Variants in RBBP7 observed in about 807,000 individuals in gnomAD.
The protein encoded by RBBP7 is histone-binding protein RBBP7.
Under a neutral mutation model 35.2 loss-of-function variants are expected in RBBP7, and 5 were observed. The ratio of observed to expected loss-of-function variants is 0.14; its 90% CI spans 0.07 to 0.30. The LOEUF (loss-of-function observed/expected upper bound fraction) is 0.30. Ranked by LOEUF, RBBP7 falls within the 10% of genes least tolerant of loss-of-function variation. RBBP7 has a pLI of 1.00. For missense variants in RBBP7, 155 were observed against 327.5 expected, an observed-to-expected ratio of 0.47 and a Z score of 4.07; for synonymous variants, 140 against 118.7, an observed-to-expected ratio of 1.18 and a Z score of -1.17.
intron 10 of RBBP7, chrX:16,846,967 A>G (rs1301684414): frequency 1.8e-5 from 2 of 110,811 alleles, no homozygotes; most frequent in Non-Finnish European, 3.8e-5. Context: ...CGTCTCTACA[A>G]AAAATACGAA....
intron 1 of RBBP7, 147 bp from the exon 2 acceptor site, chrX:16,869,367 G>A (rs921438594): frequency 2.8e-6 from 3 of 1,054,702 alleles, no homozygotes; most frequent in Non-Finnish European, 3.8e-6. Context: ...CTTCCAGAAG[G>A]TGGAGAAAAT....
chrX:16,869,393 G>A (rs905603132), intron 1 of RBBP7, 173 bp from the exon 2 acceptor site: 1 of 1,060,109 alleles, frequency 9.4e-7, no homozygotes, highest in South Asian at 2.3e-5. Flanking sequence ...CAATCAGGAA[G>A]CCTATTTTTT....
chrX:16,869,320 C>T, intron 1 of RBBP7, 100 bp from the exon 2 acceptor site: 1 of 1,077,309 alleles, frequency 9.3e-7, no homozygotes, highest in Non-Finnish European at 1.3e-6. Context: ...GTACTCTTTC[C>T]TTTTACCTCT....
At position 16,852,852 on chromosome X, in the gene RBBP7, G is replaced by A; in HGVS notation, c.782C>T (p.Thr261Ile). ...ATCCACCAAGTGACTCGGCTTGGAGGTGGTATTGGACCTGGTGTCCCATCT... is the reference window on the plus strand; with the variant it reads ...ATCCACCAAGTGACTCGGCTTGGAGATGGTATTGGACCTGGTGTCCCATCT... The part of the protein sequence containing the change: ...LMIWDTRSNT[T>I]SKPSHLVDAH... The change falls in exon 7 of 12, where the codon ACC becomes ATC. Residue 261 changes from threonine to isoleucine, a missense_variant. Transcript: ENST00000380087. 1 of 1,211,846 alleles carries A rather than the reference G, an allele frequency of 8.3e-7. No individual in the cohort carries two copies. Among genetic ancestry groups the A allele is most frequent in the Non-Finnish European group, 1.1e-6 (1 of 895,605 alleles).
At chrX:16,855,751 C>T (rs1930331313) in intron 5 of RBBP7, among the ~76,000 whole-genome samples, 1 of 110,655 alleles carries the variant, frequency 9.0e-6, no homozygotes, top group Non-Finnish European at 1.9e-5. Flanking sequence ...AATCCCAGCT[C>T]TTTGGGAGGC....
At chrX:16,855,627 T>TAGGG (rs2147519523) in intron 5 of RBBP7, among the ~76,000 whole-genome samples, 1 of 110,845 alleles carries the variant, frequency 9.0e-6, no homozygotes, top group South Asian at 3.8e-4. Context: ...CAGCCTGGTC[T>TAGGG]CTTCAAAAGG....
intron 9 of RBBP7, among the ~76,000 whole-genome samples, chrX:16,849,771 C>A (rs1437394736): frequency 8.9e-6 from 1 of 112,231 alleles, no homozygotes; most frequent in African/African-American, 3.2e-5. Flanking sequence ...TTAAAAAAAT[C>A]TACACATAAA....
intron 5 of RBBP7, among the ~76,000 whole-genome samples, chrX:16,855,175 G>A (rs1015030871): frequency 9.1e-6 from 1 of 109,369 alleles, no homozygotes; most frequent in Admixed American, 9.7e-5. Context: ...TCAGCCTCCC[G>A]AGTAGATGGG....
intron 2 of RBBP7, among the ~76,000 whole-genome samples, chrX:16,868,072 C>T (rs1393601970): frequency 8.9e-6 from 1 of 111,808 alleles, no homozygotes; most frequent in Non-Finnish European, 1.9e-5. Flanking sequence ...TATATGTCCG[C>T]AACACCCAAA....
At position 16,870,267 on chromosome X, in the gene RBBP7, TTC is replaced by T. The variant is rs752717090; in HGVS notation, c.-216_-215del. 2.0e-4 allele frequency: 77 copies of T among 385,746 alleles called. No homozygotes were observed. The highest frequency in any genetic ancestry group is 2.3e-4 in the Non-Finnish European group (66 of 285,646). The allele number at this position is 385,746 out of a possible 1,213,427, so 31.8% of individuals were successfully genotyped here. On this transcript the variant is annotated 5_prime_UTR_variant, in exon 1 of 12. The change creates a premature stop within an existing upstream ORF in the 5' untranslated region. Coordinates refer to ENST00000380087, the MANE Select transcript of RBBP7 (RefSeq NM_002893.4). Reference sequence around the variant, plus strand: ...GCGGGTACCGAGGTCTGAGGCGCTCTTCTCTCTCTCTCCAAACTTGGAACGAG... The same window carrying T: ...GCGGGTACCGAGGTCTGAGGCGCTCTTCTCTCTCTCCAAACTTGGAACGAG...
intron 6 of RBBP7, 42 bp from the exon 7 acceptor site, chrX:16,852,917 A>C (rs1930245432): frequency 8.3e-7 from 1 of 1,208,340 alleles, no homozygotes; most frequent in Non-Finnish European, 1.1e-6. Context: ...CAGGGATGAC[A>C]CACTCACATT....
At chrX:16,868,186 T>C (rs1930673607) in intron 2 of RBBP7, among the ~76,000 whole-genome samples, 1 of 111,769 alleles carries the variant, frequency 8.9e-6, no homozygotes, top group African/African-American at 3.3e-5. Context: ...CTTGAACTCC[T>C]GAGCTCAAGC....
chrX:16,848,996 G>T, intron 10 of RBBP7: 1 of 277,258 alleles, frequency 3.6e-6, no homozygotes, highest in Non-Finnish European at 6.3e-6. Flanking sequence ...TGAAATCAGT[G>T]AGAAATTACT....
chrX:16,858,217 T>C (rs111543494), intron 4 of RBBP7, among the ~76,000 whole-genome samples: 1 of 111,546 alleles, frequency 9.0e-6, no homozygotes, highest in Admixed American at 9.5e-5. Flanking sequence ...ACTATTGGGG[T>C]CCTCAATTTT....
In RBBP7 at chrX:16,857,248, C is replaced by G. The variant is rs775932540; in HGVS notation, c.597+346G>C. 3.6e-5 allele frequency among the ~76,000 whole-genome samples: 4 copies of G among 111,959 alleles called. No individual in the cohort carries two copies. In the South Asian group the frequency reaches 1.5e-3, roughly 41 times the overall value. ...ATAGTTGTGCACCTTTGTGAATATA[C>G]TAAAACCCACTGAACTGTACACTTA... On this transcript the variant is annotated intron_variant, in intron 5 of 11. Coordinates refer to ENST00000380087, the MANE Select transcript of RBBP7 (RefSeq NM_002893.4).
chrX:16,858,026 G>A (rs1930388671), intron 4 of RBBP7, among the ~76,000 whole-genome samples: 1 of 111,532 alleles, frequency 9.0e-6, no homozygotes, highest in Non-Finnish European at 1.9e-5. Context: ...GTCCTTGCAT[G>A]CCTCTAGGGT....
chrX:16,866,439 T>G (rs1402274994), intron 2 of RBBP7, among the ~76,000 whole-genome samples: 1 of 96,833 alleles, frequency 1.0e-5, no homozygotes, highest in Non-Finnish European at 2.0e-5. Context: ...GGCAGGAGAA[T>G]CGCTTGAACC....
At chrX:16,865,453 C>T (rs1290470698) in intron 2 of RBBP7, among the ~76,000 whole-genome samples, 6 of 111,539 alleles carry the variant, frequency 5.4e-5, no homozygotes, top group African/African-American at 9.8e-5. Flanking sequence ...TGTCCCAAGA[C>T]GGACTGGAGG....
chrX:16,853,251 G>GC (rs1340082014), intron 6 of RBBP7: 3 of 178,612 alleles, frequency 1.7e-5, no homozygotes, highest in African/African-American at 9.0e-5. Context: ...AGTGAATGAA[G>GC]CCCTGTGGCC....
Sources: gnomAD v4.1 joint callset for allele counts (sites outside exome capture counted in the v4.1 genomes callset) on GRCh38, gnomAD v4.1.1 for gene constraint, MANE v1.5 for transcripts, NCBI Gene and HGNC (gene_info 2026-07-23, HGNC 2026-07-21) for gene names.